The following EYS variants were observed in gnomAD, a reference collection of about 807,000 sequenced individuals.
EYS encodes protein eyes shut homolog.
In EYS, 250 loss-of-function variants were observed where a neutral mutation model predicts 282.1. The ratio of observed to expected loss-of-function variants is 0.89; its 90% CI spans 0.80 to 0.98. EYS has a LOEUF of 0.98. Among genes scored for constraint, EYS ranks in the 50% least tolerant of loss-of-function variants. The probability of loss-of-function intolerance (pLI) is 0.00; values close to 1 mark genes in which losing one functional copy is unlikely to be tolerated. For synonymous variants in EYS, 1,355 were observed against 1,282.9 expected (o/e 1.06, Z -1.20); for missense variants, 4,016 against 3,709.0 (o/e 1.08, Z -2.15).
intron 5 of EYS, among the ~76,000 whole-genome samples, chr6:65,483,445 A>G (rs1765674748): frequency 6.6e-6 from 1 of 152,152 alleles, no homozygotes. Context: ...TGAGAACTTG[A>G]CATAATGGCT....
chr6:64,514,800 A>G (rs531803334), intron 26 of EYS, among the ~76,000 whole-genome samples: 1 of 151,922 alleles, frequency 6.6e-6, no homozygotes, highest in Admixed American at 6.6e-5. Flanking sequence ...TTTGAAATTC[A>G]AACTCCGGAT....
At chr6:65,643,122 G>A (rs990033384) in intron 1 of EYS, among the ~76,000 whole-genome samples, 1 of 152,188 alleles carries the variant, frequency 6.6e-6, no homozygotes, top group Non-Finnish European at 1.5e-5. Flanking sequence ...AGGGATGCTG[G>A]TGGTCTGAGG....
At chr6:64,717,520 G>A (rs9452517) in intron 22 of EYS, among the ~76,000 whole-genome samples, 224 of 152,272 alleles carry the variant, frequency 1.5e-3, no homozygotes, top group African/African-American at 5.2e-3. Context: ...GCGGTAATGT[G>A]AGTGATAGGG....
rs914594119 is a variant in EYS at position 64,638,433 on chromosome 6, G to A, written c.3444-12188C>T. Among the ~76,000 whole-genome samples, 24 of 91,556 alleles carry A rather than the reference G, an allele frequency of 2.6e-4. 10 individuals carry two copies. The highest frequency in any genetic ancestry group is 9.1e-4 in the African/African-American group (22 of 24,208). The allele number at this position is 91,556 out of a possible 152,430, so 60.1% of individuals were successfully genotyped here. A position where few individuals can be genotyped will look rare whatever the true frequency, so the allele number is the denominator to read the frequency against. The stretch of plus-strand genomic sequence containing the variant: ...AAATTAAATGATTATTAAAATACAC[G>A]CATAATGTTGTAATGATAATTATTA... On this transcript the variant is annotated intron_variant, in intron 22 of 42. Coordinates refer to ENST00000503581, the MANE Select transcript of EYS (RefSeq NM_001142800.2).
At chr6:64,092,257 G>A (rs570132630) in intron 31 of EYS, among the ~76,000 whole-genome samples, 8 of 152,192 alleles carry the variant, frequency 5.3e-5, no homozygotes, top group Non-Finnish European at 1.2e-4. Flanking sequence ...AATCCTTTGG[G>A]TATATACCCA....
At chr6:65,647,698 C>A (rs144996446) in intron 1 of EYS, among the ~76,000 whole-genome samples, 5 of 152,184 alleles carry the variant, frequency 3.3e-5, no homozygotes, top group African/African-American at 7.2e-5. Context: ...AAAGCTTTTG[C>A]TCAACAAGAT....
intron 12 of EYS, among the ~76,000 whole-genome samples, chr6:65,191,732 C>CTA (rs1483513383): frequency 6.6e-6 from 1 of 151,808 alleles, no homozygotes; most frequent in Non-Finnish European, 1.5e-5. Flanking sequence ...GAACAAGGAG[C>CTA]TATCTCTAGG....
rs766240643 is a variant in EYS, at chr6:63,880,483, GTCTGTATCTATC to G, written c.7056-16137_7056-16126del. ...TGTCTATCTGTCTGTCTGTCTGTCT[GTCTGTATCTATC>G]TATCTATCTATCTATCTATCTATCT... On this transcript the variant is annotated intron_variant, in intron 35 of 42. Coordinates refer to ENST00000503581, the MANE Select transcript of EYS (RefSeq NM_001142800.2). Among the ~76,000 whole-genome samples the G allele has an allele frequency of 3.5e-4, 42 of 120,416 alleles. No homozygotes were observed. In the Middle Eastern group the frequency reaches 0.013, roughly 38 times the overall value. The allele number at this position is 120,416 out of a possible 152,430, so 79.0% of individuals were successfully genotyped here.
intron 31 of EYS, among the ~76,000 whole-genome samples, chr6:64,089,832 G>T (rs1420836053): frequency 1.3e-5 from 2 of 151,988 alleles, no homozygotes; most frequent in Non-Finnish European, 2.9e-5. Context: ...CCTTTTGATT[G>T]TACCTACTTC....
At chr6:65,200,604 T>C (rs1467718401) in intron 12 of EYS, among the ~76,000 whole-genome samples, 2 of 151,574 alleles carry the variant, frequency 1.3e-5, no homozygotes, top group Admixed American at 6.6e-5. Flanking sequence ...AAGCTAAGAA[T>C]TGACACGAAG....
intron 31 of EYS, among the ~76,000 whole-genome samples, chr6:64,097,654 C>T (rs539819479): frequency 6.6e-6 from 1 of 152,236 alleles, no homozygotes; most frequent in South Asian, 2.1e-4. Flanking sequence ...CATCTGTCAC[C>T]CCTTTCTTTG....
chr6:65,357,278 T>C (rs753688186), intron 8 of EYS, among the ~76,000 whole-genome samples: 14 of 152,016 alleles, frequency 9.2e-5, no homozygotes, highest in Non-Finnish European at 1.9e-4. Context: ...AGAAGATTAG[T>C]GGTAACTGGT....
intron 26 of EYS, among the ~76,000 whole-genome samples, chr6:64,449,800 A>C (rs2150476071): frequency 6.6e-6 from 1 of 152,322 alleles, no homozygotes; most frequent in South Asian, 2.1e-4. Context: ...ACAGACAAGC[A>C]AATGCTGAGG....
intron 31 of EYS, among the ~76,000 whole-genome samples, chr6:64,225,690 TAGTTATA>T (rs1159373031): frequency 1.3e-5 from 2 of 152,076 alleles, no homozygotes; most frequent in Non-Finnish European, 2.9e-5. Flanking sequence ...GATTGTGTCA[TAGTTATA>T]AGTATGAGAA....
chr6:65,227,018 T>C (rs1582039533), intron 12 of EYS, among the ~76,000 whole-genome samples: 1 of 152,230 alleles, frequency 6.6e-6, no homozygotes, highest in East Asian at 1.9e-4. Context: ...GTGGATCACC[T>C]GAGATCGGGA....
intron 12 of EYS, among the ~76,000 whole-genome samples, chr6:65,269,539 C>T (rs1767843048): frequency 6.6e-6 from 1 of 152,138 alleles, no homozygotes; most frequent in Admixed American, 6.6e-5. Flanking sequence ...GATGTGATTC[C>T]TATCTGTAAA....
At chr6:65,627,523 G>A (rs1335834118) in intron 2 of EYS, among the ~76,000 whole-genome samples, 5 of 152,138 alleles carry the variant, frequency 3.3e-5, no homozygotes, top group Non-Finnish European at 5.9e-5. Context: ...AGGGAGGTGT[G>A]GAGGGAGAGG....
intron 26 of EYS, among the ~76,000 whole-genome samples, chr6:64,547,165 A>G (rs888332172): frequency 6.6e-6 from 1 of 152,128 alleles, no homozygotes; most frequent in Non-Finnish European, 1.5e-5. Context: ...CCAAAGAGTG[A>G]GCAGCAGCAA....
At chr6:64,957,995 A>T (rs554552920) in intron 14 of EYS, among the ~76,000 whole-genome samples, 6 of 152,270 alleles carry the variant, frequency 3.9e-5, no homozygotes, top group African/African-American at 1.2e-4. Flanking sequence ...CCTATTTGAC[A>T]GTTTTATGTT....
Sources: gnomAD v4.1 joint callset for allele counts (sites outside exome capture counted in the v4.1 genomes callset) on GRCh38, gnomAD v4.1.1 for gene constraint, MANE v1.5 for transcripts, NCBI Gene and HGNC (gene_info 2026-07-23, HGNC 2026-07-21) for gene names.